The following ZNF79 variants were observed in gnomAD, a reference collection of about 807,000 sequenced individuals.
ZNF79 encodes the protein ZNFpT7.
ZNF79 carries 13 observed loss-of-function variants against 14.9 expected under a neutral mutation model. The observed-to-expected ratio is 0.87, with a 90% CI of 0.57 to 1.38. The LOEUF (loss-of-function observed/expected upper bound fraction) is 1.38. Ranked by LOEUF, ZNF79 falls within the 40% of genes most tolerant of loss-of-function variation. ZNF79 has a pLI of 0.00. For missense variants in ZNF79, 631 were observed against 630.6 expected, an observed-to-expected ratio of 1.00 and a Z score of -0.01; for synonymous variants, 223 against 235.1, an observed-to-expected ratio of 0.95 and a Z score of 0.47.
rs1383773958 is a variant in ZNF79 at position 127,435,063 on chromosome 9, C to T, written c.106-27C>T. The T allele has an allele frequency of 3.1e-6, 5 of 1,595,558 alleles. No homozygotes were observed. The African/African-American group carries it at 6.8e-5, about 22-fold the overall frequency. On this transcript the variant is annotated intron_variant, in intron 2 of 4. Coordinates refer to ENST00000342483, the MANE Select transcript of ZNF79 (RefSeq NM_007135.3). ...TCACCCTAGATCCTAAGGCCACTGGCAAGATGAAATGTGCTTGTTTTTTCA... is the reference window on the plus strand; with the variant it reads ...TCACCCTAGATCCTAAGGCCACTGGTAAGATGAAATGTGCTTGTTTTTTCA...
intron 4 of ZNF79, among the ~76,000 whole-genome samples, chr9:127,438,910 G>A (rs944922661): frequency 6.6e-6 from 1 of 152,122 alleles, no homozygotes; most frequent in African/African-American, 2.4e-5. Context: ...CAGGAGTTTT[G>A]AGACCAGCCT....
intron 2 of ZNF79, among the ~76,000 whole-genome samples, chr9:127,431,503 C>G (rs903389897): frequency 1.2e-4 from 19 of 152,210 alleles, no homozygotes; most frequent in African/African-American, 4.1e-4. Context: ...CCTGCCTTGG[C>G]CTTCCAAAGT....
chr9:127,439,825 A>G (rs974365436), intron 4 of ZNF79, among the ~76,000 whole-genome samples: 3 of 152,226 alleles, frequency 2.0e-5, no homozygotes, highest in East Asian at 1.9e-4. Flanking sequence ...TTCTGCTTAC[A>G]TCTTCGTGAA....
intron 4 of ZNF79, among the ~76,000 whole-genome samples, chr9:127,441,511 T>C (rs1834046991): frequency 6.6e-6 from 1 of 152,166 alleles, no homozygotes; most frequent in South Asian, 2.1e-4. Flanking sequence ...GAAGACTGTG[T>C]ATAGAAATTC....
At chr9:127,437,512 C>T (rs945929034) in intron 4 of ZNF79, among the ~76,000 whole-genome samples, 11 of 151,522 alleles carry the variant, frequency 7.3e-5, no homozygotes, top group Non-Finnish European at 1.5e-4. Flanking sequence ...CTGAAAAGGT[C>T]GCTGTATTAG....
Position 127,444,633 on chromosome 9 carries a change from G to A in ZNF79, c.933G>A (p.Gly311=). 6.2e-7 allele frequency: 1 copy of A among 1,614,020 alleles called. No homozygotes were observed. The highest frequency in any genetic ancestry group is 8.5e-7 in the Non-Finnish European group (1 of 1,179,972). The part of the protein sequence containing the change: ...GEKPYECSDC[G]KAFRHSANLT... ...AGCCCTACGAATGCAGCGACTGTGG[G>A]AAGGCCTTCCGTCACAGTGCAAACC... The change falls in exon 5 of 5, where the codon GGG becomes GGA. Residue 311 remains glycine, a synonymous_variant. Coordinates refer to ENST00000342483, the MANE Select transcript of ZNF79 (RefSeq NM_007135.3).
intron 2 of ZNF79, 121 bp downstream of exon 2, chr9:127,429,041 G>C: frequency 1.5e-6 from 1 of 652,302 alleles, no homozygotes; most frequent in Non-Finnish European, 2.4e-6. Flanking sequence ...TTGAGACTGA[G>C]TCTCACTCTG....
At chr9:127,442,527 T>C (rs1834067948) in intron 4 of ZNF79, among the ~76,000 whole-genome samples, 1 of 151,860 alleles carries the variant, frequency 6.6e-6, no homozygotes, top group Non-Finnish European at 1.5e-5. Context: ...GGGTAAGTGG[T>C]AGATGGATGT....
intron 4 of ZNF79, among the ~76,000 whole-genome samples, chr9:127,438,481 A>G (rs1833988109): frequency 6.6e-6 from 1 of 152,194 alleles, no homozygotes; most frequent in Admixed American, 6.5e-5. Flanking sequence ...GCTCTCTGGA[A>G]GCTCTCTAAA....
intron 2 of ZNF79, among the ~76,000 whole-genome samples, chr9:127,430,872 G>A (rs1293499618): frequency 6.6e-6 from 1 of 152,226 alleles, no homozygotes; most frequent in Non-Finnish European, 1.5e-5. Context: ...CGGAGTGACT[G>A]AACTAATTTA....
At chr9:127,435,009 C>T (rs1358835654) in intron 2 of ZNF79, 81 bp from the exon 3 acceptor site, 2 of 1,472,214 alleles carry the variant, frequency 1.4e-6, no homozygotes, top group African/African-American at 2.9e-5. Context: ...TTCCAGCTCC[C>T]CCAAAACTGC....
rs1564233880 is a variant in ZNF79 at position 127,435,132 on chromosome 9, G to C, written c.148G>C (p.Glu50Gln). 6.2e-7 allele frequency: 1 copy of C among 1,613,022 alleles called. No individual in the cohort carries two copies. Among genetic ancestry groups the C allele is most frequent in the African/African-American group, 1.3e-5 (1 of 74,918 alleles). ...CAGTGTGACGGTAGCTTTTGCACAG[G>C]AAAGGTGGAGGTGCCTCGTGTCTAC... is the stretch of plus-strand genomic sequence containing the variant. ...FSSVTVAFAQ[E>Q]RWRCLVSTPR... Residue 50 changes from glutamate (E) to glutamine (Q), a missense_variant, in exon 3 of 5, where the codon GAA becomes CAA. By Grantham distance (29) the Glu-to-Gln change is conservative. Coordinates refer to ENST00000342483, the MANE Select transcript of ZNF79 (RefSeq NM_007135.3).
chr9:127,429,931 C>G (rs1251004896), intron 2 of ZNF79, among the ~76,000 whole-genome samples: 1 of 151,934 alleles, frequency 6.6e-6, no homozygotes, highest in Non-Finnish European at 1.5e-5. Flanking sequence ...ATTCTCCTGC[C>G]TCAGCCTCCC....
chr9:127,439,816 T>G (rs1466211849), intron 4 of ZNF79, among the ~76,000 whole-genome samples: 1 of 152,272 alleles, frequency 6.6e-6, no homozygotes, highest in African/African-American at 2.4e-5. Context: ...AGACGTAGTT[T>G]CTGCTTACAT....
chr9:127,426,520 AC>A (rs924720372), intron 1 of ZNF79, among the ~76,000 whole-genome samples: 5 of 151,926 alleles, frequency 3.3e-5, no homozygotes, highest in African/African-American at 9.7e-5. Context: ...GATTACAGGC[AC>A]CCGCCACCAC....
chr9:127,429,018 CT>C, intron 2 of ZNF79, 98 bp downstream of exon 2: 1 of 870,794 alleles, frequency 1.1e-6, no homozygotes, highest in Non-Finnish European at 1.7e-6. Context: ...TGTTTTCTTT[CT>C]TTCTTTATTT....
intron 4 of ZNF79, among the ~76,000 whole-genome samples, chr9:127,442,704 A>T (rs1234083261): frequency 4.6e-5 from 7 of 151,946 alleles, no homozygotes; most frequent in Non-Finnish European, 1.0e-4. Context: ...CTCAGCAAAA[A>T]ATACAAAAAT....
intron 1 of ZNF79, among the ~76,000 whole-genome samples, chr9:127,427,711 T>C (rs1413639730): frequency 2.6e-5 from 4 of 152,090 alleles, no homozygotes; most frequent in African/African-American, 4.8e-5. Flanking sequence ...CTAATTTTTG[T>C]ATTTTTAGTA....
Position 127,443,275 on chromosome 9 carries a change from C to A in ZNF79, c.329-754C>A, listed in dbSNP as rs545009318. Among the ~76,000 whole-genome samples the A allele has an allele frequency of 2.0e-5, 3 of 151,976 alleles. No homozygotes were observed. In the South Asian group the frequency reaches 6.2e-4, roughly 32 times the overall value. On this transcript the variant is annotated intron_variant, in intron 4 of 4. Transcript: ENST00000342483. ...CTCCAAAATATCAAAATTACCCAGG[C>A]ATGGTGGTATGCTCCTTTAGTTCCA...
Sources: allele counts gnomAD v4.1 joint callset (sites outside exome capture counted in the v4.1 genomes callset), GRCh38; gene constraint gnomAD v4.1.1; transcripts MANE v1.5; gene names NCBI Gene and HGNC (gene_info 2026-07-23, HGNC 2026-07-21).